AFG2B: variants seen among roughly 807,000 people sequenced by gnomAD.
AFG2B encodes the protein ATPase family gene 2 protein homolog B.
the AFG2B span, chr15:45,415,479 C>G: frequency 1.1e-6 from 1 of 945,788 alleles, no homozygotes; most frequent in Non-Finnish European, 1.5e-6. Flanking sequence ...AACTGAGCAA[C>G]AGAGCAAGAC....
the AFG2B span, among the ~76,000 whole-genome samples, chr15:45,412,532 G>A: frequency 6.6e-6 from 1 of 152,190 alleles, no homozygotes; most frequent in Non-Finnish European, 1.5e-5. Flanking sequence ...TAGCACCAAA[G>A]CAGCTGTAGA....
At chr15:45,415,710 C>G in the AFG2B span, 5 of 1,613,888 alleles carry the variant, frequency 3.1e-6, no homozygotes, top group African/African-American at 6.7e-5. Context: ...TCTTTCTGTT[C>G]TCCTGAATGA....
the AFG2B span, among the ~76,000 whole-genome samples, chr15:45,412,500 T>C: frequency 6.6e-6 from 1 of 152,374 alleles, no homozygotes; most frequent in South Asian, 2.1e-4. Flanking sequence ...GTCTCTGTCA[T>C]AACCACTCAC....
chr15:45,403,820 G>T, the AFG2B span, among the ~76,000 whole-genome samples: 1 of 152,260 alleles, frequency 6.6e-6, no homozygotes, highest in East Asian at 1.9e-4. Context: ...TTGTTGTGCA[G>T]GTCCTATAAT....
chr15:45,414,497 G>T, the AFG2B span: 1 of 1,398,566 alleles, frequency 7.2e-7, no homozygotes, highest in South Asian at 1.2e-5. Context: ...GTTAAATGAA[G>T]AAATGAATTT....
the AFG2B span, among the ~76,000 whole-genome samples, chr15:45,404,082 G>A: frequency 6.6e-6 from 1 of 152,172 alleles, no homozygotes; most frequent in African/African-American, 2.4e-5. Flanking sequence ...CAGGGAGGTT[G>A]AATATTCAGA....
the AFG2B span, chr15:45,410,614 A>G: frequency 7.5e-7 from 1 of 1,331,178 alleles, no homozygotes; most frequent in Non-Finnish European, 1.0e-6. Context: ...CTGCGCTGAA[A>G]CTGCTCTTGC....
At chr15:45,402,556 T>C in the AFG2B span, 8 of 1,586,294 alleles carry the variant, frequency 5.0e-6, no homozygotes, top group African/African-American at 9.4e-5. Flanking sequence ...GGGCGCGCGC[T>C]TGGGCTCGGC....
chr15:45,420,017 AAAAAC>A, the AFG2B span, among the ~76,000 whole-genome samples: 4 of 150,072 alleles, frequency 2.7e-5, no homozygotes, highest in Non-Finnish European at 4.4e-5. Context: ...AAAAAAAACA[AAAAAC>A]AAAACAAAAG....
the AFG2B span, chr15:45,415,793 G>T: frequency 6.2e-7 from 1 of 1,609,526 alleles, no homozygotes; most frequent in East Asian, 2.2e-5. Context: ...AATACAAGGA[G>T]CTGAAAAAAT....
chr15:45,402,383 G>A, the AFG2B span: 1 of 1,558,296 alleles, frequency 6.4e-7, no homozygotes, highest in Non-Finnish European at 8.6e-7. Context: ...TTGTGGGCCG[G>A]GTGGGTTTCC....
the AFG2B span, among the ~76,000 whole-genome samples, chr15:45,419,010 A>C: frequency 1.1e-4 from 17 of 152,306 alleles, no homozygotes; most frequent in African/African-American, 4.1e-4. Context: ...TATAAACTGA[A>C]ATTGGAAGGA....
chr15:45,408,823 T>C, the AFG2B span, among the ~76,000 whole-genome samples: 1 of 152,094 alleles, frequency 6.6e-6, no homozygotes. Context: ...TGTTCGAGGC[T>C]CAATGAGCTG....
At chr15:45,415,548 A>T in the AFG2B span, 2 of 1,514,168 alleles carry the variant, frequency 1.3e-6, no homozygotes, top group Non-Finnish European at 9.1e-7. Flanking sequence ...TGACTAATGT[A>T]TAACATATAG....
the AFG2B span, chr15:45,405,535 GTTAATCTATTATTGTAACAGAT>G: frequency 6.3e-7 from 1 of 1,596,908 alleles, no homozygotes; most frequent in Non-Finnish European, 8.6e-7. Context: ...GAACATCTAT[GTTAATCTATTATTGTAACAGAT>G]TAATTTGGGG....
chr15:45,416,164 G>A, the AFG2B span, among the ~76,000 whole-genome samples: 23 of 152,296 alleles, frequency 1.5e-4, no homozygotes, highest in East Asian at 1.9e-4. Context: ...AGTGGCACAC[G>A]CCTGTAATCC....
the AFG2B span, among the ~76,000 whole-genome samples, chr15:45,411,151 A>T: frequency 1.3e-5 from 2 of 152,012 alleles, no homozygotes; most frequent in African/African-American, 2.4e-5. Context: ...GCAGTGAGCC[A>T]AGATCCCACC....
the AFG2B span, among the ~76,000 whole-genome samples, chr15:45,413,994 T>C: frequency 6.6e-6 from 1 of 152,236 alleles, no homozygotes; most frequent in Non-Finnish European, 1.5e-5. Context: ...TCATTCTAGC[T>C]GCTGGGGATT....
At chr15:45,412,127 G>A in the AFG2B span, among the ~76,000 whole-genome samples, 1 of 152,028 alleles carries the variant, frequency 6.6e-6, no homozygotes, top group Non-Finnish European at 1.5e-5. Flanking sequence ...TATAGGCCGG[G>A]CGTGGTGGCT....
Sources: gnomAD v4.1 joint callset for allele counts (sites outside exome capture counted in the v4.1 genomes callset) on GRCh38, gnomAD v4.1.1 for gene constraint, MANE v1.5 for transcripts, NCBI Gene and HGNC (gene_info 2026-07-23, HGNC 2026-07-21) for gene names.